The following EPB41L5 variants were observed in gnomAD, a reference collection of about 807,000 sequenced individuals.
EPB41L5 encodes erythrocyte membrane protein band 4.1 like 5.
In EPB41L5, 55 loss-of-function variants were observed where a neutral mutation model predicts 106.6. The observed-to-expected ratio is 0.52, with a 90% CI of 0.42 to 0.65. The LOEUF (loss-of-function observed/expected upper bound fraction) is 0.65. Ranked by LOEUF, EPB41L5 falls within the 30% of genes least tolerant of loss-of-function variation. The pLI, the probability that EPB41L5 is intolerant of heterozygous loss-of-function variation, is 0.00. For synonymous variants in EPB41L5, 297 were observed against 306.7 expected (o/e 0.97, Z 0.33); for missense variants, 871 against 882.1 (o/e 0.99, Z 0.16).
chr2:120,075,506 T>A lies in EPB41L5; in HGVS notation c.438T>A (p.Asp146Glu). 6.3e-7 allele frequency: 1 copy of A among 1,579,820 alleles called. No individual in the cohort carries two copies. Among genetic ancestry groups the A allele is most frequent in the South Asian group, 1.1e-5 (1 of 89,432 alleles). The change falls in exon 6 of 25, where the codon GAT becomes GAA. Residue 146 changes from aspartate to glutamate, a missense_variant. Asp to Glu is a conservative substitution (Grantham distance 45). Coordinates refer to ENST00000263713, the MANE Select transcript of EPB41L5 (RefSeq NM_020909.4). The stretch of plus-strand genomic sequence containing the variant: ...TATTTGTTCTTCAGTTAAAACAAGA[T>A]ATTCTCAGTGGAAAGTGAGTATTAG... ...RYLFVLQLKQ[D>E]ILSGKLDCPF...
intron 19 of EPB41L5, among the ~76,000 whole-genome samples, chr2:120,144,211 T>C (rs1249810297): frequency 6.6e-6 from 1 of 152,152 alleles, no homozygotes; most frequent in Non-Finnish European, 1.5e-5. Context: ...GTAGGATTAG[T>C]GCTCTTATAA....
chr2:120,109,367 C>T (rs1037079882), intron 16 of EPB41L5, among the ~76,000 whole-genome samples: 3 of 152,054 alleles, frequency 2.0e-5, no homozygotes, highest in African/African-American at 7.3e-5. Flanking sequence ...ACTTCCTCCT[C>T]TTACAAACCA....
chr2:120,079,659 T>G (rs1441938631), intron 10 of EPB41L5, among the ~76,000 whole-genome samples: 1 of 152,184 alleles, frequency 6.6e-6, no homozygotes, highest in African/African-American at 2.4e-5. Context: ...ACAACTGGTA[T>G]TACATTTCCT....
chr2:120,142,153 T>C (rs1032699823), intron 18 of EPB41L5, among the ~76,000 whole-genome samples: 7 of 151,438 alleles, frequency 4.6e-5, no homozygotes, highest in African/African-American at 1.7e-4. Flanking sequence ...AATATACATA[T>C]ATAATTTACC....
At chr2:120,113,227 A>G (rs2105431619) in intron 16 of EPB41L5, among the ~76,000 whole-genome samples, 1 of 152,372 alleles carries the variant, frequency 6.6e-6, no homozygotes, top group East Asian at 1.9e-4. Context: ...AAGCAACCAA[A>G]TCATGTATAT....
intron 16 of EPB41L5, among the ~76,000 whole-genome samples, chr2:120,107,591 A>G (rs142022445): frequency 2.4e-3 from 362 of 152,130 alleles, no homozygotes; most frequent in Non-Finnish European, 4.5e-3. Context: ...TTCCTTCTCC[A>G]TGCCAGCCTC....
At chr2:120,122,082 G>C (rs1685241475) in intron 16 of EPB41L5, among the ~76,000 whole-genome samples, 1 of 152,140 alleles carries the variant, frequency 6.6e-6, no homozygotes, top group African/African-American at 2.4e-5. Context: ...TTAGCCCTTT[G>C]TCAGATGGGT....
chr2:120,167,429 T>C, intron 22 of EPB41L5, 37 bp from the exon 23 acceptor site: 1 of 1,569,174 alleles, frequency 6.4e-7, no homozygotes. Flanking sequence ...AGTCAGTCTT[T>C]CCAAAAAGTA....
At chr2:120,060,403 A>G (rs1474408861) in intron 3 of EPB41L5, among the ~76,000 whole-genome samples, 1 of 152,238 alleles carries the variant, frequency 6.6e-6, no homozygotes, top group Admixed American at 6.5e-5. Flanking sequence ...CAGTGGCACA[A>G]TCATACCATG....
chr2:120,167,442 T>C (rs1687465771), intron 22 of EPB41L5, 24 bp from the exon 23 acceptor site: 1 of 1,599,980 alleles, frequency 6.3e-7, no homozygotes, highest in Admixed American at 1.7e-5. Flanking sequence ...AAAAAGTAAA[T>C]ACATACATAT....
chr2:120,151,610 C>CTTTTTTT, intron 20 of EPB41L5, among the ~76,000 whole-genome samples: 1 of 116,814 alleles, frequency 8.6e-6, no homozygotes, highest in Non-Finnish European at 1.7e-5. Flanking sequence ...GCGTCTGGCC[C>CTTTTTTT]TTTTTTTTTT....
chr2:120,023,558 C>CAGT (rs1330064647), intron 2 of EPB41L5, among the ~76,000 whole-genome samples: 1 of 152,108 alleles, frequency 6.6e-6, no homozygotes, highest in Non-Finnish European at 1.5e-5. Flanking sequence ...GTTTTGGTAC[C>CAGT]AGTACCATGC....
chr2:120,088,314 T>C (rs1250089436), intron 11 of EPB41L5, among the ~76,000 whole-genome samples: 1 of 152,194 alleles, frequency 6.6e-6, no homozygotes, highest in African/African-American at 2.4e-5. Flanking sequence ...GATATTATCC[T>C]TAGCAAAGTA....
At chr2:120,076,759 A>T (rs1413040696) in intron 7 of EPB41L5, among the ~76,000 whole-genome samples, 1 of 152,122 alleles carries the variant, frequency 6.6e-6, no homozygotes, top group Non-Finnish European at 1.5e-5. Flanking sequence ...TAAGAGAAAG[A>T]TATGTAATTA....
At chr2:120,104,616 TC>T (rs1459998643) in intron 16 of EPB41L5, 115 of 989,846 alleles carry the variant, frequency 1.2e-4, no homozygotes, top group Non-Finnish European at 1.3e-4. Flanking sequence ...GTTAAAAGAA[TC>T]AGACACACTA....
rs60980401 is a variant in EPB41L5, at chr2:120,147,624, C to CAAAA, written c.1793+1354_1793+1357dup. ...TGGGCAACAGAGCGAAACTCTGTCT[C>CAAAA]AAAAAAAAAAAAAAAAAAAAAAGGA... On this transcript the variant is annotated intron_variant, in intron 20 of 24. Coordinates refer to ENST00000263713, the MANE Select transcript of EPB41L5 (RefSeq NM_020909.4). Among the ~76,000 whole-genome samples, 28 of 75,566 alleles carry CAAAA rather than the reference C, an allele frequency of 3.7e-4. 1 individual carries two copies. The highest frequency in any genetic ancestry group is 1.3e-3 in the African/African-American group (25 of 19,844). The allele number at this position is 75,566 out of a possible 152,430, so 49.6% of individuals were successfully genotyped here. A position where few individuals can be genotyped will look rare whatever the true frequency, so the allele number is the denominator to read the frequency against.
chr2:120,156,309 G>A (rs1355097896), intron 20 of EPB41L5, among the ~76,000 whole-genome samples: 1 of 152,108 alleles, frequency 6.6e-6, no homozygotes, highest in Non-Finnish European at 1.5e-5. Context: ...TTTTGCACTG[G>A]CAGACTGTGC....
intron 2 of EPB41L5, among the ~76,000 whole-genome samples, chr2:120,031,246 C>T (rs1283450905): frequency 6.6e-6 from 1 of 152,186 alleles, no homozygotes; most frequent in Admixed American, 6.5e-5. Flanking sequence ...CTCCAGTCTC[C>T]CACACAACCA....
intron 2 of EPB41L5, among the ~76,000 whole-genome samples, chr2:120,040,602 G>A (rs1266004636): frequency 6.6e-6 from 1 of 152,198 alleles, no homozygotes; most frequent in South Asian, 2.1e-4. Flanking sequence ...TCTAGCAGAT[G>A]CTGCAGGACA....
Sources: gnomAD v4.1 joint callset for allele counts (sites outside exome capture counted in the v4.1 genomes callset) on GRCh38, gnomAD v4.1.1 for gene constraint, MANE v1.5 for transcripts, NCBI Gene and HGNC (gene_info 2026-07-23, HGNC 2026-07-21) for gene names.